The following ARHGAP31 variants were observed in gnomAD, a reference collection of about 807,000 sequenced individuals.
ARHGAP31 encodes Rho GTPase activating protein 31, also known as rho GTPase-activating protein 31.
A neutral mutation model predicts 113.9 loss-of-function variants in ARHGAP31; 34 were observed. That is an observed-to-expected ratio of 0.30 (90% CI 0.23 to 0.40). ARHGAP31 has a LOEUF of 0.40. Among genes scored for constraint, ARHGAP31 ranks in the 10% least tolerant of loss-of-function variants. ARHGAP31 has a pLI of 1.00. For missense variants in ARHGAP31, 1,548 were observed against 1,767.1 expected (o/e 0.88, Z 2.22); for synonymous variants, 650 against 684.8 (o/e 0.95, Z 0.79).
intron 1 of ARHGAP31, among the ~76,000 whole-genome samples, chr3:119,325,457 C>T (rs1045713756): frequency 4.6e-5 from 7 of 152,118 alleles, no homozygotes; most frequent in Admixed American, 3.3e-4. Context: ...CCCAAGGAGG[C>T]TTACCTAAGG....
At chr3:119,401,640 A>G (rs779450575) in intron 9 of ARHGAP31, among the ~76,000 whole-genome samples, 182 bp from the exon 10 acceptor site, 22 of 152,198 alleles carry the variant, frequency 1.4e-4, no homozygotes, top group Non-Finnish European at 2.4e-4. Context: ...AATTCTGTGC[A>G]TATGAGGAAG....
rs6438524 is a variant in ARHGAP31 at position 119,364,986 on chromosome 3, C to T, written c.101-330C>T. On this transcript the variant is annotated intron_variant, in intron 1 of 11. Coordinates refer to ENST00000264245, the MANE Select transcript of ARHGAP31 (RefSeq NM_020754.4). ...GCGGGTGCCTGTAATCCCAGCTACT[C>T]GGGAGTCTGAGGCAAGAGAATTGCT... 0.41 allele frequency among the ~76,000 whole-genome samples: 62,587 copies of T among 151,794 alleles called. 14,910 individuals carry two copies. Among genetic ancestry groups the T allele is most frequent in the African/African-American group, 0.67 (27,643 of 41,390 alleles).
At chr3:119,373,694 C>G (rs1310067949) in intron 3 of ARHGAP31, among the ~76,000 whole-genome samples, 1 of 152,090 alleles carries the variant, frequency 6.6e-6, no homozygotes, top group Non-Finnish European at 1.5e-5. Context: ...AAACTCCTGA[C>G]CTCAGGTGAT....
chr3:119,348,920 A>C (rs1320486134), intron 1 of ARHGAP31, among the ~76,000 whole-genome samples: 2 of 152,340 alleles, frequency 1.3e-5, no homozygotes, highest in East Asian at 3.9e-4. Context: ...AAGAGGAGTA[A>C]GCAGGTTTGG....
rs1425884568 is a variant in ARHGAP31 at position 119,414,696 on chromosome 3, C to G, written c.2767C>G (p.Leu923Val). The G allele has an allele frequency of 1.2e-6, 2 of 1,614,224 alleles. No individual in the cohort carries two copies. Among genetic ancestry groups the G allele is most frequent in the Non-Finnish European group, 1.7e-6 (2 of 1,180,044 alleles). ...GACGAGTCCCCTTCACTCTCCCACCCTGAAAGACGCGCACAAGGCCCAGGT... is the reference window on the plus strand; with the variant it reads ...GACGAGTCCCCTTCACTCTCCCACCGTGAAAGACGCGCACAAGGCCCAGGT... ...WVTSPLHSPT[L>V]KDAHKAQVQG... Residue 923 changes from leucine (L) to valine (V), a missense_variant, in exon 12 of 12, where the codon CTG becomes GTG. Transcript: ENST00000264245.
chr3:119,301,644 GT>G (rs11347020), intron 1 of ARHGAP31, among the ~76,000 whole-genome samples: 52,047 of 151,352 alleles, frequency 0.34, 10,803 homozygotes, highest in African/African-American at 0.59. Context: ...GATGGGGACT[GT>G]TTTTTTTTAC....
chr3:119,375,097 T>C (rs1199821955), intron 3 of ARHGAP31, among the ~76,000 whole-genome samples: 1 of 152,186 alleles, frequency 6.6e-6, no homozygotes, highest in Non-Finnish European at 1.5e-5. Flanking sequence ...GATTTTTTAT[T>C]TTCTGCAGAT....
intron 6 of ARHGAP31, among the ~76,000 whole-genome samples, chr3:119,384,638 A>C (rs2080432907): frequency 6.6e-6 from 1 of 151,694 alleles, no homozygotes; most frequent in Non-Finnish European, 1.5e-5. Context: ...TAATGAACTC[A>C]CTCCTGCAAT....
intron 11 of ARHGAP31, among the ~76,000 whole-genome samples, chr3:119,412,878 C>T (rs766183824): frequency 1.3e-5 from 2 of 151,438 alleles, no homozygotes; most frequent in Admixed American, 6.6e-5. Context: ...CAAAAATTAG[C>T]CGGGTGGCAC....
At chr3:119,402,520 T>A in intron 10 of ARHGAP31, 123 bp downstream of exon 10, 1 of 1,044,032 alleles carries the variant, frequency 9.6e-7, no homozygotes, top group Non-Finnish European at 1.4e-6. Context: ...CCCGATTGGG[T>A]ACAAATCCAC....
intron 8 of ARHGAP31, among the ~76,000 whole-genome samples, chr3:119,394,677 G>A (rs1337013717): frequency 1.3e-5 from 2 of 152,056 alleles, no homozygotes; most frequent in Non-Finnish European, 2.9e-5. Context: ...AGAGCTGACC[G>A]AGCACAGTGG....
chr3:119,350,412 G>A (rs1577007135), intron 1 of ARHGAP31, among the ~76,000 whole-genome samples: 1 of 152,144 alleles, frequency 6.6e-6, no homozygotes, highest in African/African-American at 2.4e-5. Flanking sequence ...CCAAGATGAC[G>A]TCATTTTTTA....
chr3:119,326,117 A>T (rs887491887), intron 1 of ARHGAP31, among the ~76,000 whole-genome samples: 1 of 152,154 alleles, frequency 6.6e-6, no homozygotes, highest in Non-Finnish European at 1.5e-5. Context: ...ACTTGAACCC[A>T]GGAGGCGGAG....
Position 119,307,940 on chromosome 3 carries a change from C to A in ARHGAP31, c.100+12936C>A, listed in dbSNP as rs370069474. On this transcript the variant is annotated intron_variant, in intron 1 of 11. Transcript: ENST00000264245. The stretch of plus-strand genomic sequence containing the variant: ...AGTGAATCCAAGTATGAATTAACAG[C>A]AAAAAAAAAAAAAAAAAAAAGCTCA... Among the ~76,000 whole-genome samples the A allele has an allele frequency of 7.8e-3, 354 of 45,448 alleles. 12 individuals are homozygous for A. Among genetic ancestry groups the A allele is most frequent in the African/African-American group, 0.02 (248 of 12,130 alleles). The allele number at this position is 45,448 out of a possible 152,430, so 29.8% of individuals were successfully genotyped here.
rs549206146 is a variant in ARHGAP31, at chr3:119,339,022, A to G, written c.101-26294A>G. On this transcript the variant is annotated intron_variant, in intron 1 of 11. Coordinates refer to ENST00000264245, the MANE Select transcript of ARHGAP31 (RefSeq NM_020754.4). ...GTTCAGAGTCATGAATTACTTGGGTATATCAAGACTGAATGAGAAGTGGAA... is the reference window on the plus strand; with the variant it reads ...GTTCAGAGTCATGAATTACTTGGGTGTATCAAGACTGAATGAGAAGTGGAA... Among the ~76,000 whole-genome samples the G allele has an allele frequency of 1.1e-4, 17 of 152,368 alleles. No individual in the cohort carries two copies. The South Asian group carries it at 1.4e-3, about 13-fold the overall frequency.
chr3:119,385,362 T>C (rs1372372652), intron 6 of ARHGAP31, among the ~76,000 whole-genome samples: 1 of 152,196 alleles, frequency 6.6e-6, no homozygotes, highest in Non-Finnish European at 1.5e-5. Flanking sequence ...TTCCTTAGTT[T>C]GGGTTGTTTC....
At chr3:119,316,617 C>A (rs189521915) in intron 1 of ARHGAP31, among the ~76,000 whole-genome samples, 1 of 152,174 alleles carries the variant, frequency 6.6e-6, no homozygotes, top group South Asian at 2.1e-4. Flanking sequence ...GGGGCCCATA[C>A]TTTAATCTTA....
chr3:119,336,658 T>C (rs1361093679), intron 1 of ARHGAP31, among the ~76,000 whole-genome samples: 1 of 151,604 alleles, frequency 6.6e-6, no homozygotes, highest in East Asian at 1.9e-4. Context: ...TATTGAGATA[T>C]AATTAACATA....
At chr3:119,351,722 T>G (rs1310653041) in intron 1 of ARHGAP31, among the ~76,000 whole-genome samples, 1 of 152,202 alleles carries the variant, frequency 6.6e-6, no homozygotes, top group East Asian at 1.9e-4. Context: ...GAAACAAGTT[T>G]GCTTCTCTCT....
Sources: gnomAD v4.1 joint callset for allele counts (sites outside exome capture counted in the v4.1 genomes callset) on GRCh38, gnomAD v4.1.1 for gene constraint, MANE v1.5 for transcripts, NCBI Gene and HGNC (gene_info 2026-07-23, HGNC 2026-07-21) for gene names.